SLC24A2: variants seen among roughly 807,000 people sequenced by gnomAD.
SLC24A2 encodes sodium/potassium/calcium exchanger 2.
In SLC24A2, 36 loss-of-function variants were observed where a neutral mutation model predicts 62.0. The ratio of observed to expected loss-of-function variants is 0.58; its 90% CI spans 0.44 to 0.77. SLC24A2 has a LOEUF of 0.77. Ranked by LOEUF, SLC24A2 falls within the 30% of genes least tolerant of loss-of-function variation. SLC24A2 has a pLI of 0.00. For missense variants in SLC24A2, 846 were observed against 817.9 expected, an observed-to-expected ratio of 1.03 and a Z score of -0.42; for synonymous variants, 358 against 294.0, an observed-to-expected ratio of 1.22 and a Z score of -2.23.
chr9:20,091,358 C>T, the SLC24A2 span, among the ~76,000 whole-genome samples: 1 of 152,014 alleles, frequency 6.6e-6, no homozygotes, highest in African/African-American at 2.4e-5. Flanking sequence ...TACAGGGAAC[C>T]CCTTGCAAGA....
chr9:19,985,400 G>T, the SLC24A2 span, among the ~76,000 whole-genome samples: 1 of 151,952 alleles, frequency 6.6e-6, no homozygotes, highest in Non-Finnish European at 1.5e-5. Flanking sequence ...AATACTATTC[G>T]GAAATAAAAA....
chr9:19,619,670 C>T lies in SLC24A2; in HGVS notation c.992G>A (p.Gly331Asp), dbSNP rs772207802. The change falls in exon 4 of 11, where the codon GGT (glycine) becomes GAT (aspartate). Residue 331 changes from glycine (G) to aspartate (D), a missense_variant. Physicochemically the swap from Gly to Asp is moderately conservative, Grantham distance 94. Coordinates refer to ENST00000341998, the MANE Select transcript of SLC24A2 (RefSeq NM_020344.4). ...GTTGTGGAGGGAGGCAGAGCTTCCACCTCGCTGGAGACGCGGCTTAGCCTG... is the reference window on the plus strand; with the variant it reads ...GTTGTGGAGGGAGGCAGAGCTTCCATCTCGCTGGAGACGCGGCTTAGCCTG... ...TLPAKPRLQR[G>D]GSSASLHNSL... The T allele has an allele frequency of 2.5e-6, 4 of 1,613,902 alleles. No homozygotes were observed. Among genetic ancestry groups the T allele is most frequent in the Non-Finnish European group, 3.4e-6 (4 of 1,179,850 alleles).
At chr9:20,076,861 G>GTATATATA in the SLC24A2 span, among the ~76,000 whole-genome samples, 86 of 105,864 alleles carry the variant, frequency 8.1e-4, 2 homozygotes, top group South Asian at 2.7e-3. Context: ...CATATCATAT[G>GTATATATA]TATATATATA....
chr9:19,803,584 C>T, the SLC24A2 span, among the ~76,000 whole-genome samples: 1 of 152,046 alleles, frequency 6.6e-6, no homozygotes, highest in African/African-American at 2.4e-5. Context: ...TATTCAATCG[C>T]TTATGATTAA....
At chr9:20,100,949 G>C in the SLC24A2 span, among the ~76,000 whole-genome samples, 1 of 152,210 alleles carries the variant, frequency 6.6e-6, no homozygotes, top group East Asian at 1.9e-4. Flanking sequence ...CTTAACAACA[G>C]GTATAAATAC....
At chr9:19,525,391 CTTTTTTTTTTTTTT>C (rs572919824) in intron 9 of SLC24A2, among the ~76,000 whole-genome samples, 2 of 76,380 alleles carry the variant, frequency 2.6e-5, no homozygotes, top group South Asian at 5.0e-4. Context: ...TATTTCTTTA[CTTTTTTTTTTTTTT>C]TTTTTTTTTT....
At chr9:19,818,936 G>A in the SLC24A2 span, among the ~76,000 whole-genome samples, 1 of 152,114 alleles carries the variant, frequency 6.6e-6, no homozygotes, top group African/African-American at 2.4e-5. Context: ...CACACTACTT[G>A]ATTTCAAACT....
chr9:20,230,708 CT>C, the SLC24A2 span, among the ~76,000 whole-genome samples: 2 of 152,130 alleles, frequency 1.3e-5, no homozygotes, highest in African/African-American at 4.8e-5. Flanking sequence ...ATAGTAGTTT[CT>C]TTTGCTGTGC....
chr9:19,697,889 T>A (rs943823058), intron 2 of SLC24A2, among the ~76,000 whole-genome samples: 2 of 152,172 alleles, frequency 1.3e-5, no homozygotes, highest in African/African-American at 4.8e-5. Context: ...TAATCATTCC[T>A]TCATACATGG....
At chr9:19,556,910 C>T (rs948488401) in intron 7 of SLC24A2, among the ~76,000 whole-genome samples, 21 of 152,146 alleles carry the variant, frequency 1.4e-4, no homozygotes, top group African/African-American at 4.8e-4. Flanking sequence ...CTCAATTAAT[C>T]ATATGGACAA....
intron 8 of SLC24A2, among the ~76,000 whole-genome samples, chr9:19,534,780 C>A (rs1313910460): frequency 6.6e-6 from 1 of 152,082 alleles, no homozygotes; most frequent in African/African-American, 2.4e-5. Context: ...TGGGTTGGTT[C>A]CAAGTCTTTG....
intron 7 of SLC24A2, among the ~76,000 whole-genome samples, chr9:19,568,375 C>G (rs1835738994): frequency 6.6e-6 from 1 of 152,318 alleles, no homozygotes; most frequent in African/African-American, 2.4e-5. Flanking sequence ...AAAGGACTCT[C>G]AAATCCAGCC....
chr9:19,864,008 T>G, the SLC24A2 span, among the ~76,000 whole-genome samples: 2 of 151,870 alleles, frequency 1.3e-5, no homozygotes, highest in Non-Finnish European at 2.9e-5. Context: ...ACATTAAAAC[T>G]GATACTACAG....
intron 2 of SLC24A2, among the ~76,000 whole-genome samples, chr9:19,772,262 C>T (rs1252261048): frequency 6.6e-6 from 1 of 152,146 alleles, no homozygotes; most frequent in Non-Finnish European, 1.5e-5. Flanking sequence ...CAATTCTTAG[C>T]TTCAGGGGAA....
the SLC24A2 span, among the ~76,000 whole-genome samples, chr9:20,232,936 C>T: frequency 7.2e-5 from 11 of 152,104 alleles, no homozygotes; most frequent in Non-Finnish European, 1.6e-4. Flanking sequence ...TCTTTGTTCT[C>T]GTTGGTTTCA....
chr9:20,297,687 A>C, the SLC24A2 span, among the ~76,000 whole-genome samples: 1 of 152,208 alleles, frequency 6.6e-6, no homozygotes, highest in African/African-American at 2.4e-5. Context: ...CTCAGATGCA[A>C]CACGGGTGGA....
At chr9:19,637,506 G>C (rs1029630577) in intron 2 of SLC24A2, among the ~76,000 whole-genome samples, 1 of 152,186 alleles carries the variant, frequency 6.6e-6, no homozygotes, top group Admixed American at 6.5e-5. Flanking sequence ...ACACAAGGGG[G>C]AAGCAGAAGA....
chr9:19,943,308 T>C, the SLC24A2 span, among the ~76,000 whole-genome samples: 1 of 152,172 alleles, frequency 6.6e-6, no homozygotes, highest in Non-Finnish European at 1.5e-5. Context: ...CAATTAAACC[T>C]GGGCTTTCAT....
the SLC24A2 span, among the ~76,000 whole-genome samples, chr9:19,939,992 T>C: frequency 4.3e-4 from 65 of 152,360 alleles, 1 homozygote; most frequent in Middle Eastern, 3.4e-3. Flanking sequence ...CAATAGCACT[T>C]CAACTGATTG....
Sources: gnomAD v4.1 joint callset for allele counts (sites outside exome capture counted in the v4.1 genomes callset) on GRCh38, gnomAD v4.1.1 for gene constraint, MANE v1.5 for transcripts, NCBI Gene and HGNC (gene_info 2026-07-23, HGNC 2026-07-21) for gene names.